CNTN5: variants seen among roughly 807,000 people sequenced by gnomAD.
CNTN5 encodes the protein contactin-5.
In CNTN5, 77 loss-of-function variants were observed where a neutral mutation model predicts 129.1. That is an observed-to-expected ratio of 0.60 (90% CI 0.50 to 0.72). CNTN5 has a LOEUF of 0.72. Among genes scored for constraint, CNTN5 ranks in the 30% least tolerant of loss-of-function variants. CNTN5 has a pLI of 0.00. For synonymous variants in CNTN5, 509 were observed against 465.6 expected (o/e 1.09, Z -1.20); for missense variants, 1,478 against 1,328.8 (o/e 1.11, Z -1.75).
chr11:99,060,084 A>G (rs1006380671), intron 1 of CNTN5, among the ~76,000 whole-genome samples: 1 of 152,084 alleles, frequency 6.6e-6, no homozygotes, highest in African/African-American at 2.4e-5. Flanking sequence ...GGTTATTTTA[A>G]AGTTAATTAA....
At chr11:99,852,503 T>A (rs1043707176) in intron 6 of CNTN5, among the ~76,000 whole-genome samples, 8 of 152,208 alleles carry the variant, frequency 5.3e-5, no homozygotes, top group African/African-American at 1.9e-4. Context: ...AAGCAAATTA[T>A]GAAGAGTGAA....
chr11:99,461,057 G>C (rs1464774463), intron 2 of CNTN5, among the ~76,000 whole-genome samples: 1 of 152,068 alleles, frequency 6.6e-6, no homozygotes, highest in Non-Finnish European at 1.5e-5. Flanking sequence ...CAATAAAGTT[G>C]ATGCCCTCAA....
chr11:100,255,716 A>T, intron 16 of CNTN5, 44 bp from the exon 17 acceptor site: 1 of 1,547,686 alleles, frequency 6.5e-7, no homozygotes, highest in South Asian at 1.1e-5. Context: ...ATGGCTCCTG[A>T]TAATAATTTG....
At chr11:99,269,555 T>C (rs1160621535) in intron 1 of CNTN5, among the ~76,000 whole-genome samples, 2 of 151,904 alleles carry the variant, frequency 1.3e-5, no homozygotes, top group Non-Finnish European at 2.9e-5. Flanking sequence ...GCAAGGCAAG[T>C]ATTTTTTAAA....
At chr11:99,833,199 A>G (rs1947200593) in intron 4 of CNTN5, among the ~76,000 whole-genome samples, 1 of 152,222 alleles carries the variant, frequency 6.6e-6, no homozygotes, top group Non-Finnish European at 1.5e-5. Flanking sequence ...GTATCTGGGT[A>G]GCCTATCAGT....
intron 1 of CNTN5, among the ~76,000 whole-genome samples, chr11:99,058,341 G>A (rs1054803167): frequency 1.3e-5 from 2 of 152,004 alleles, no homozygotes; most frequent in African/African-American, 4.8e-5. Flanking sequence ...CAGTGAAGAG[G>A]TGGAGGCTGG....
At chr11:100,070,254 G>A (rs182765834) in intron 10 of CNTN5, 170 bp from the exon 11 acceptor site, 3 of 519,446 alleles carry the variant, frequency 5.8e-6, no homozygotes, top group East Asian at 6.5e-5. Context: ...TTTTTTGGGG[G>A]TACAGGAAAT....
At chr11:99,724,380 A>G (rs192646898) in intron 3 of CNTN5, among the ~76,000 whole-genome samples, 199 of 152,308 alleles carry the variant, frequency 1.3e-3, no homozygotes, top group African/African-American at 4.6e-3. Context: ...TCCCTGGCAG[A>G]TCATCAGCTC....
intron 2 of CNTN5, among the ~76,000 whole-genome samples, chr11:99,379,182 T>TC (rs940015705): frequency 1.3e-5 from 2 of 149,108 alleles, no homozygotes; most frequent in African/African-American, 4.9e-5. Flanking sequence ...TTTTGTTTCT[T>TC]TTTTTTTTTT....
intron 3 of CNTN5, among the ~76,000 whole-genome samples, chr11:99,793,405 C>CT (rs112569961): frequency 0.58 from 88,385 of 151,408 alleles, 26,423 homozygotes; most frequent in East Asian, 0.72. Flanking sequence ...GTTTATTAAT[C>CT]TTCTGTATGG....
chr11:99,562,523 A>G (rs1948875019), intron 3 of CNTN5, among the ~76,000 whole-genome samples: 1 of 152,146 alleles, frequency 6.6e-6, no homozygotes, highest in African/African-American at 2.4e-5. Context: ...TAACTGTGGT[A>G]CATGTTTCAT....
chr11:99,472,690 A>G (rs1029962777), intron 2 of CNTN5, among the ~76,000 whole-genome samples: 3 of 151,912 alleles, frequency 2.0e-5, no homozygotes, highest in African/African-American at 7.3e-5. Context: ...TTTTCTTGAG[A>G]TGGAGTCTCA....
chr11:99,914,465 C>G (rs1034156796), intron 6 of CNTN5, among the ~76,000 whole-genome samples: 4 of 151,980 alleles, frequency 2.6e-5, no homozygotes, highest in Non-Finnish European at 2.9e-5. Flanking sequence ...TGTATTATCT[C>G]ATACATATGA....
intron 13 of CNTN5, among the ~76,000 whole-genome samples, chr11:100,155,378 A>G (rs954886661): frequency 2.0e-5 from 3 of 152,000 alleles, no homozygotes; most frequent in African/African-American, 4.8e-5. Context: ...CCATTGGTCT[A>G]TGTATCTGTT....
At chr11:99,270,029 T>C (rs981736177) in intron 1 of CNTN5, among the ~76,000 whole-genome samples, 1 of 151,858 alleles carries the variant, frequency 6.6e-6, no homozygotes, top group Non-Finnish European at 1.5e-5. Flanking sequence ...AGGATTGGTG[T>C]GTGTGCCCTT....
chr11:100,160,901 T>C (rs1947424917), intron 13 of CNTN5, among the ~76,000 whole-genome samples: 1 of 151,850 alleles, frequency 6.6e-6, no homozygotes, highest in Admixed American at 6.6e-5. Flanking sequence ...TTAAGAGACT[T>C]AAGTTGTATA....
At chr11:99,247,750 T>C (rs1351298259) in intron 1 of CNTN5, among the ~76,000 whole-genome samples, 2 of 152,106 alleles carry the variant, frequency 1.3e-5, no homozygotes, top group Non-Finnish European at 2.9e-5. Context: ...CTGAGAATGA[T>C]GGTTTCCAGC....
At chr11:99,509,952 T>C (rs2135407965) in intron 2 of CNTN5, among the ~76,000 whole-genome samples, 1 of 151,930 alleles carries the variant, frequency 6.6e-6, no homozygotes. Flanking sequence ...CTATTAATAT[T>C]TCTGTAAGTC....
rs1255288344 is a variant in CNTN5, at chr11:100,061,381, T to C, written c.1150T>C (p.Leu384=). ...TGGAAAAAATTCCTTTCGTGGACAA[T>C]TACAAGTATACAGTAAGTGTTTTCA... ...SRGKNSFRGQ[L]QVYTYPHWVE... is the part of the protein sequence containing the mutation. The change falls in exon 10 of 25, where the codon TTA becomes CTA. Residue 384 remains leucine, a synonymous_variant. Transcript: ENST00000524871. 7 of 1,594,648 alleles carry C rather than the reference T, an allele frequency of 4.4e-6. No homozygotes were observed. The South Asian group carries it at 6.7e-5, about 15-fold the overall frequency.
Sources: gnomAD v4.1 joint callset for allele counts (sites outside exome capture counted in the v4.1 genomes callset) on GRCh38, gnomAD v4.1.1 for gene constraint, MANE v1.5 for transcripts, NCBI Gene and HGNC (gene_info 2026-07-23, HGNC 2026-07-21) for gene names.